Variants in ST6GALNAC5 observed in about 807,000 individuals in gnomAD.
ST6GALNAC5 encodes ST6 N-acetylgalactosaminide alpha-2,6-sialyltransferase 5.
In ST6GALNAC5, 27 loss-of-function variants were observed where a neutral mutation model predicts 33.6. The ratio of observed to expected loss-of-function variants is 0.80; its 90% CI spans 0.59 to 1.11. ST6GALNAC5 has a LOEUF of 1.11. Ranked by LOEUF, ST6GALNAC5 falls within the 50% of genes least tolerant of loss-of-function variation. The pLI, the probability that ST6GALNAC5 is intolerant of heterozygous loss-of-function variation, is 0.00. For missense variants in ST6GALNAC5, 428 were observed against 454.0 expected, an observed-to-expected ratio of 0.94 and a Z score of 0.52; for synonymous variants, 194 against 171.2, an observed-to-expected ratio of 1.13 and a Z score of -1.04.
chr1:76,958,261 T>C (rs1472655233), intron 2 of ST6GALNAC5, among the ~76,000 whole-genome samples: 1 of 152,188 alleles, frequency 6.6e-6, no homozygotes, highest in Admixed American at 6.5e-5. Context: ...TTTGTCCTTT[T>C]TTCTTCAGAG....
intron 2 of ST6GALNAC5, among the ~76,000 whole-genome samples, chr1:76,900,810 A>C (rs984683050): frequency 1.3e-5 from 2 of 152,250 alleles, no homozygotes; most frequent in African/African-American, 4.8e-5. Flanking sequence ...AGATACATTT[A>C]TTACTAGTGA....
intron 2 of ST6GALNAC5, among the ~76,000 whole-genome samples, chr1:76,968,660 A>G (rs528812514): frequency 1.3e-5 from 2 of 152,284 alleles, no homozygotes; most frequent in African/African-American, 4.8e-5. Flanking sequence ...TAGTTGATGC[A>G]GTTTCTTCCT....
At chr1:77,005,139 G>T (rs990694960) in intron 2 of ST6GALNAC5, among the ~76,000 whole-genome samples, 2 of 152,358 alleles carry the variant, frequency 1.3e-5, no homozygotes, top group Non-Finnish European at 2.9e-5. Context: ...CTAGCAATCA[G>T]CGAGACTCCG....
chr1:76,948,892 T>C (rs1482402479), intron 2 of ST6GALNAC5, among the ~76,000 whole-genome samples: 1 of 152,130 alleles, frequency 6.6e-6, no homozygotes, highest in Non-Finnish European at 1.5e-5. Flanking sequence ...TCTGTGACAC[T>C]GTGGTCATCA....
At chr1:76,983,943 A>T (rs1649370066) in intron 2 of ST6GALNAC5, among the ~76,000 whole-genome samples, 1 of 152,218 alleles carries the variant, frequency 6.6e-6, no homozygotes, top group Non-Finnish European at 1.5e-5. Context: ...GGCAGAAATA[A>T]AGATGTTCTT....
intron 2 of ST6GALNAC5, among the ~76,000 whole-genome samples, chr1:76,993,679 G>A (rs1030058227): frequency 3.3e-5 from 5 of 152,136 alleles, no homozygotes; most frequent in African/African-American, 1.2e-4. Context: ...CTCTGCCAGG[G>A]CTCTATTCCT....
chr1:77,007,285 A>G (rs1570089051), intron 2 of ST6GALNAC5, among the ~76,000 whole-genome samples: 2 of 152,334 alleles, frequency 1.3e-5, no homozygotes, highest in East Asian at 1.9e-4. Flanking sequence ...GAGCATAATC[A>G]TGTCTGAAGT....
At chr1:77,060,616 C>T (rs1652544221) in intron 4 of ST6GALNAC5, among the ~76,000 whole-genome samples, 1 of 152,092 alleles carries the variant, frequency 6.6e-6, no homozygotes, top group South Asian at 2.1e-4. Context: ...AATAACTTAT[C>T]TTGACACCTC....
intron 2 of ST6GALNAC5, among the ~76,000 whole-genome samples, chr1:77,041,752 A>G (rs1028800340): frequency 3.9e-5 from 6 of 152,192 alleles, no homozygotes; most frequent in Non-Finnish European, 8.8e-5. Context: ...ACATTTCAGC[A>G]TCATGTACTT....
intron 2 of ST6GALNAC5, among the ~76,000 whole-genome samples, chr1:77,007,300 T>C (rs1412246811): frequency 6.6e-6 from 1 of 152,238 alleles, no homozygotes; most frequent in African/African-American, 2.4e-5. Context: ...TGAAGTTGCA[T>C]AGAGCCCTCT....
chr1:76,984,671 C>A (rs1206579224), intron 2 of ST6GALNAC5, among the ~76,000 whole-genome samples: 1 of 152,126 alleles, frequency 6.6e-6, no homozygotes, highest in Non-Finnish European at 1.5e-5. Context: ...TTTATGAGGC[C>A]AACATCATCC....
At chr1:77,005,097 G>T (rs926042659) in intron 2 of ST6GALNAC5, among the ~76,000 whole-genome samples, 3 of 151,916 alleles carry the variant, frequency 2.0e-5, no homozygotes, top group Admixed American at 2.0e-4. Context: ...CAGCCTCGCT[G>T]CCACCTTGCA....
intron 2 of ST6GALNAC5, among the ~76,000 whole-genome samples, chr1:76,929,526 G>T (rs1347342516): frequency 6.6e-6 from 1 of 152,062 alleles, no homozygotes; most frequent in Admixed American, 6.6e-5. Flanking sequence ...GCAATAAAGT[G>T]AGACCCCATC....
chr1:76,957,655 G>T (rs1570707427), intron 2 of ST6GALNAC5, among the ~76,000 whole-genome samples: 1 of 120,094 alleles, frequency 8.3e-6, no homozygotes, highest in Non-Finnish European at 1.6e-5. Flanking sequence ...CCATTTGAAA[G>T]TACTAGACAT....
intron 2 of ST6GALNAC5, among the ~76,000 whole-genome samples, chr1:76,927,412 G>A (rs563681447): frequency 1.2e-4 from 19 of 152,168 alleles, no homozygotes; most frequent in African/African-American, 4.3e-4. Context: ...GAGAGAAGTA[G>A]CTGTAATTCA....
At chr1:77,020,678 G>T (rs1297095991) in intron 2 of ST6GALNAC5, among the ~76,000 whole-genome samples, 2 of 152,196 alleles carry the variant, frequency 1.3e-5, no homozygotes, top group African/African-American at 4.8e-5. Flanking sequence ...TGGGATTACA[G>T]GCCTGAGCCA....
chr1:76,893,614 T>C (rs574997014), intron 2 of ST6GALNAC5, among the ~76,000 whole-genome samples: 1 of 152,286 alleles, frequency 6.6e-6, no homozygotes, highest in South Asian at 2.1e-4. Flanking sequence ...CAGGAAATAT[T>C]AGCCATCAAT....
chr1:76,955,100 G>A (rs777059954), intron 2 of ST6GALNAC5, among the ~76,000 whole-genome samples: 3 of 151,986 alleles, frequency 2.0e-5, no homozygotes, highest in Admixed American at 6.6e-5. Context: ...TGTGAAAAGC[G>A]GCATGAAGGA....
At chr1:77,032,406 G>T (rs1375412930) in intron 2 of ST6GALNAC5, among the ~76,000 whole-genome samples, 1 of 152,124 alleles carries the variant, frequency 6.6e-6, no homozygotes, top group Non-Finnish European at 1.5e-5. Flanking sequence ...AGTTGAACCA[G>T]GGGTGGAGTC....
Sources: allele counts gnomAD v4.1 joint callset (sites outside exome capture counted in the v4.1 genomes callset), GRCh38; gene constraint gnomAD v4.1.1; transcripts MANE v1.5; gene names NCBI Gene and HGNC (gene_info 2026-07-23, HGNC 2026-07-21).